The following BLTP3B variants were observed in gnomAD, a reference collection of about 807,000 sequenced individuals.
The protein encoded by BLTP3B is bridge-like lipid transfer protein family member 3B.
the BLTP3B span, among the ~76,000 whole-genome samples, chr12:100,057,325 T>A: frequency 6.6e-6 from 1 of 152,172 alleles, no homozygotes; most frequent in Non-Finnish European, 1.5e-5. Context: ...ATAGTCCCTG[T>A]ATGTATAAAT....
At chr12:100,077,338 T>C in the BLTP3B span, among the ~76,000 whole-genome samples, 1 of 152,190 alleles carries the variant, frequency 6.6e-6, no homozygotes, top group Non-Finnish European at 1.5e-5. Context: ...GGAGTTTAAG[T>C]AGGCTACATA....
At chr12:100,115,033 T>A in the BLTP3B span, among the ~76,000 whole-genome samples, 1 of 152,170 alleles carries the variant, frequency 6.6e-6, no homozygotes, top group Admixed American at 6.5e-5. Flanking sequence ...CATAACAATT[T>A]CGTAAGGATA....
At chr12:100,079,273 G>A in the BLTP3B span, among the ~76,000 whole-genome samples, 1 of 152,112 alleles carries the variant, frequency 6.6e-6, no homozygotes, top group Non-Finnish European at 1.5e-5. Flanking sequence ...GGAAAATTTG[G>A]GAAAGTTTGG....
chr12:100,102,699 G>A, the BLTP3B span: 3 of 871,384 alleles, frequency 3.4e-6, no homozygotes, highest in Non-Finnish European at 1.7e-6. Flanking sequence ...TGAGGTTAAG[G>A]CTTTTTTTTT....
chr12:100,127,986 C>G, the BLTP3B span, among the ~76,000 whole-genome samples: 1 of 152,256 alleles, frequency 6.6e-6, no homozygotes, highest in South Asian at 2.1e-4. Flanking sequence ...GCACTCTAGC[C>G]TGGGCAACAG....
chr12:100,058,852 C>A, the BLTP3B span: 12 of 1,613,884 alleles, frequency 7.4e-6, no homozygotes, highest in South Asian at 1.3e-4. Context: ...TGAACATGAA[C>A]TAGGAGATGA....
chr12:100,116,467 G>C, the BLTP3B span, among the ~76,000 whole-genome samples: 1 of 126,412 alleles, frequency 7.9e-6, no homozygotes, highest in African/African-American at 3.1e-5. Context: ...AAAAAAAAAA[G>C]AAAAGAAAAA....
the BLTP3B span, among the ~76,000 whole-genome samples, chr12:100,046,845 G>A: frequency 4.4e-4 from 67 of 152,208 alleles, no homozygotes; most frequent in East Asian, 3.1e-3. Context: ...AAATAAGAAC[G>A]TAGAGACGTG....
chr12:100,073,026 T>G, the BLTP3B span, among the ~76,000 whole-genome samples: 1 of 152,172 alleles, frequency 6.6e-6, no homozygotes, highest in Non-Finnish European at 1.5e-5. Context: ...TGGATCCTTA[T>G]CAATCACAAA....
chr12:100,060,411 T>C, the BLTP3B span, among the ~76,000 whole-genome samples: 1 of 152,188 alleles, frequency 6.6e-6, no homozygotes, highest in Non-Finnish European at 1.5e-5. Flanking sequence ...CTAAAAACAT[T>C]ACCTTCTTGA....
chr12:100,095,793 C>A, the BLTP3B span: 4 of 1,612,574 alleles, frequency 2.5e-6, no homozygotes, highest in Non-Finnish European at 3.4e-6. Flanking sequence ...ATAAGTCATC[C>A]AATATTAGAA....
the BLTP3B span, chr12:100,037,266 A>T: frequency 1.0e-6 from 1 of 987,922 alleles, no homozygotes; most frequent in Non-Finnish European, 1.2e-6. Context: ...AAATCAATTC[A>T]GCAATCTGTG....
the BLTP3B span, among the ~76,000 whole-genome samples, chr12:100,066,883 T>C: frequency 9.9e-5 from 15 of 151,140 alleles, no homozygotes; most frequent in East Asian, 2.5e-3. Flanking sequence ...CTGCAGAATA[T>C]ACATTCTATT....
At chr12:100,110,218 C>T in the BLTP3B span, among the ~76,000 whole-genome samples, 1 of 152,214 alleles carries the variant, frequency 6.6e-6, no homozygotes, top group East Asian at 1.9e-4. Context: ...AACAAGAATA[C>T]CAATCAATAA....
chr12:100,132,683 A>C, the BLTP3B span, among the ~76,000 whole-genome samples: 1 of 152,180 alleles, frequency 6.6e-6, no homozygotes, highest in African/African-American at 2.4e-5. Flanking sequence ...GTGGTGACTC[A>C]CGCCTGTAAT....
At chr12:100,051,281 T>A in the BLTP3B span, 38 of 1,459,338 alleles carry the variant, frequency 2.6e-5, no homozygotes, top group African/African-American at 4.6e-4. Context: ...GATCTAACAC[T>A]GTATGCTTAT....
At chr12:100,142,728 G>A in the BLTP3B span, 7,105 of 1,520,082 alleles carry the variant, frequency 4.7e-3, 32 homozygotes, top group Non-Finnish European at 5.8e-3. Context: ...TAGCCCGGCC[G>A]GCGGAGAGGC....
the BLTP3B span, among the ~76,000 whole-genome samples, chr12:100,061,745 T>A: frequency 3.3e-5 from 5 of 152,002 alleles, no homozygotes; most frequent in Non-Finnish European, 4.4e-5. Flanking sequence ...TTAATAATAC[T>A]TAAAAGCAGC....
At chr12:100,062,056 C>T in the BLTP3B span, among the ~76,000 whole-genome samples, 1 of 152,086 alleles carries the variant, frequency 6.6e-6, no homozygotes. Context: ...CACACATACA[C>T]AGAAGGAAGA....
Sources: gnomAD v4.1 joint callset for allele counts (sites outside exome capture counted in the v4.1 genomes callset) on GRCh38, gnomAD v4.1.1 for gene constraint, MANE v1.5 for transcripts, NCBI Gene and HGNC (gene_info 2026-07-23, HGNC 2026-07-21) for gene names.